Variants in RBFOX1 observed in about 807,000 individuals in gnomAD.
The protein encoded by RBFOX1 is RNA binding protein fox-1 homolog 1.
In RBFOX1, 8 loss-of-function variants were observed where a neutral mutation model predicts 57.7. The ratio of observed to expected loss-of-function variants is 0.14; its 90% confidence interval spans 0.08 to 0.25. The LOEUF is 0.25. Among genes scored for constraint, RBFOX1 ranks in the 10% least tolerant of loss-of-function variants. RBFOX1 has a pLI of 1.00. For synonymous variants in RBFOX1, 326 were observed against 222.4 expected, an observed-to-expected ratio of 1.47 and a Z score of -4.15; for missense variants, 611 against 548.5, an observed-to-expected ratio of 1.11 and a Z score of -1.14.
chr16:6,233,327 G>T (rs551166728), intron 1 of RBFOX1, among the ~76,000 whole-genome samples: 1 of 152,070 alleles, frequency 6.6e-6, no homozygotes, highest in African/African-American at 2.4e-5. Flanking sequence ...TTAATTCCTT[G>T]CATCTCTATG....
chr16:7,208,954 C>A (rs181600487), intron 4 of RBFOX1, among the ~76,000 whole-genome samples: 1 of 151,902 alleles, frequency 6.6e-6, no homozygotes, highest in African/African-American at 2.4e-5. Flanking sequence ...CATGAGGGAC[C>A]CATCTACTCT....
At chr16:7,677,429 G>A (rs921905283) in intron 14 of RBFOX1, among the ~76,000 whole-genome samples, 1 of 152,128 alleles carries the variant, frequency 6.6e-6, no homozygotes, top group Non-Finnish European at 1.5e-5. Context: ...GCTTTTATTT[G>A]TAATGTACAC....
intron 1 of RBFOX1, among the ~76,000 whole-genome samples, chr16:6,100,874 C>T (rs554879364): frequency 1.5e-4 from 23 of 152,238 alleles, no homozygotes; most frequent in African/African-American, 5.3e-4. Flanking sequence ...CTTAAGTGTT[C>T]TTATGTGTAA....
intron 2 of RBFOX1, among the ~76,000 whole-genome samples, chr16:5,468,074 C>T (rs1247376925): frequency 6.6e-6 from 1 of 152,128 alleles, no homozygotes; most frequent in Non-Finnish European, 1.5e-5. Flanking sequence ...GCTCTGTGCC[C>T]TCTTGTTCCT....
intron 4 of RBFOX1, among the ~76,000 whole-genome samples, chr16:5,888,230 G>C (rs2057948526): frequency 6.6e-6 from 1 of 152,114 alleles, no homozygotes; most frequent in Admixed American, 6.6e-5. Context: ...TCCCTAATTG[G>C]CTTTCCACTT....
chr16:6,873,463 T>C (rs1023870169), intron 3 of RBFOX1, among the ~76,000 whole-genome samples: 2 of 152,204 alleles, frequency 1.3e-5, no homozygotes, highest in African/African-American at 4.8e-5. Flanking sequence ...TTCAGTTTTA[T>C]GTGTATCTTC....
At chr16:6,472,307 A>G (rs910451190) in intron 2 of RBFOX1, among the ~76,000 whole-genome samples, 1 of 152,142 alleles carries the variant, frequency 6.6e-6, no homozygotes, top group Non-Finnish European at 1.5e-5. Flanking sequence ...TGGTATCTCT[A>G]TGGTACACGT....
chr16:7,693,226 C>G (rs1015332606), intron 14 of RBFOX1: 1 of 1,058,622 alleles, frequency 9.4e-7, no homozygotes, highest in South Asian at 1.3e-5. Context: ...GCACCCTTCC[C>G]TCCCCTCATC....
rs145229116 is a variant in RBFOX1 at position 6,483,978 on chromosome 16, C to A, written c.-64+166921C>A. The A allele has an allele frequency of 5.3e-5, 54 of 1,017,248 alleles. 1 individual carries two copies. In the East Asian group the frequency reaches 4.3e-3, roughly 80 times the overall value. The allele number at this position is 1,017,248 out of a possible 1,614,324, so 63.0% of individuals were successfully genotyped here. A position where few individuals can be genotyped will look rare whatever the true frequency, so the allele number is the denominator to read the frequency against. On this transcript the variant is annotated intron_variant, in intron 2 of 15. Coordinates refer to ENST00000550418, the MANE Select transcript of RBFOX1 (RefSeq NM_018723.4). ...CTGTGCTCAGGGCTCGCCCTGGGTG[C>A]CCCGTGGTGGGGGTGGTCTGGACAC...
chr16:6,615,851 C>T (rs2098133728), intron 2 of RBFOX1, among the ~76,000 whole-genome samples: 1 of 152,172 alleles, frequency 6.6e-6, no homozygotes, highest in African/African-American at 2.4e-5. Context: ...GTCTGCTTGG[C>T]ACGTGGAACT....
At chr16:6,152,916 A>T (rs2096807973) in intron 1 of RBFOX1, among the ~76,000 whole-genome samples, 1 of 152,090 alleles carries the variant, frequency 6.6e-6, no homozygotes, top group African/African-American at 2.4e-5. Context: ...AAATAAGTCG[A>T]TGGTTTTAAG....
At chr16:5,297,828 A>G (rs563533156) in intron 1 of RBFOX1, among the ~76,000 whole-genome samples, 1 of 152,346 alleles carries the variant, frequency 6.6e-6, no homozygotes, top group Non-Finnish European at 1.5e-5. Flanking sequence ...TAAATATTTC[A>G]GTCACATTAT....
intron 4 of RBFOX1, among the ~76,000 whole-genome samples, chr16:7,140,773 G>C (rs760559713): frequency 6.6e-6 from 1 of 152,164 alleles, no homozygotes. Context: ...GGAAGGTAGC[G>C]TTAAACTTTC....
chr16:5,468,378 C>T (rs1432237170), intron 2 of RBFOX1, among the ~76,000 whole-genome samples: 1 of 152,132 alleles, frequency 6.6e-6, no homozygotes, highest in Non-Finnish European at 1.5e-5. Context: ...CCCTGACAGA[C>T]ACCAGTCTGC....
chr16:7,622,859 G>C (rs1483955394), intron 10 of RBFOX1, among the ~76,000 whole-genome samples: 1 of 152,182 alleles, frequency 6.6e-6, no homozygotes, highest in Non-Finnish European at 1.5e-5. Flanking sequence ...CTTCAGAGAA[G>C]CTCATCTTTC....
chr16:6,859,435 C>T (rs958418473), intron 3 of RBFOX1, among the ~76,000 whole-genome samples: 3 of 151,948 alleles, frequency 2.0e-5, no homozygotes, highest in South Asian at 2.1e-4. Context: ...TGTCAGCTCT[C>T]TGTTCATCAG....
chr16:5,559,399 T>G (rs1023138548), intron 2 of RBFOX1, among the ~76,000 whole-genome samples: 1 of 152,170 alleles, frequency 6.6e-6, no homozygotes, highest in Non-Finnish European at 1.5e-5. Context: ...AGATCTGAAA[T>G]ATGGCAGCTA....
chr16:6,982,001 C>G (rs1324377596), intron 3 of RBFOX1, among the ~76,000 whole-genome samples: 1 of 152,150 alleles, frequency 6.6e-6, no homozygotes, highest in African/African-American at 2.4e-5. Flanking sequence ...GTGTGTAATA[C>G]AATTTCTTTG....
chr16:6,891,159 A>G (rs1418429684), intron 3 of RBFOX1, among the ~76,000 whole-genome samples: 1 of 152,224 alleles, frequency 6.6e-6, no homozygotes, highest in Non-Finnish European at 1.5e-5. Flanking sequence ...CTTCCATTAC[A>G]GGTGCCAATG....
Sources: allele counts gnomAD v4.1 joint callset (sites outside exome capture counted in the v4.1 genomes callset), GRCh38; gene constraint gnomAD v4.1.1; transcripts MANE v1.5; gene names NCBI Gene and HGNC (gene_info 2026-07-23, HGNC 2026-07-21).